EFNA5: variants seen among roughly 807,000 people sequenced by gnomAD.
EFNA5 encodes ephrin-A5.
In EFNA5, 5 loss-of-function variants were observed where a neutral mutation model predicts 22.9. That is an observed-to-expected ratio of 0.22 (90% CI 0.11 to 0.46). The LOEUF (loss-of-function observed/expected upper bound fraction) is 0.46. Among genes scored for constraint, EFNA5 ranks in the 20% least tolerant of loss-of-function variants. The pLI, the probability that EFNA5 is intolerant of heterozygous loss-of-function variation, is 0.99. For missense variants in EFNA5, 237 were observed against 293.3 expected, an observed-to-expected ratio of 0.81 and a Z score of 1.40; for synonymous variants, 113 against 112.2, an observed-to-expected ratio of 1.01 and a Z score of -0.04.
At chr5:107,485,765 C>T (rs1181517214) in intron 1 of EFNA5, among the ~76,000 whole-genome samples, 1 of 152,138 alleles carries the variant, frequency 6.6e-6, no homozygotes, top group Admixed American at 6.6e-5. Flanking sequence ...ATGAAATGTT[C>T]GGTCTAGGTA....
At chr5:107,643,244 T>C (rs1168632220) in intron 1 of EFNA5, among the ~76,000 whole-genome samples, 1 of 152,142 alleles carries the variant, frequency 6.6e-6, no homozygotes, top group African/African-American at 2.4e-5. Flanking sequence ...GGGGGTCCCA[T>C]CATAGGGGTT....
intron 1 of EFNA5, among the ~76,000 whole-genome samples, chr5:107,608,331 G>A (rs1338813637): frequency 6.6e-6 from 1 of 152,122 alleles, no homozygotes; most frequent in African/African-American, 2.4e-5. Flanking sequence ...ACTTGATGTA[G>A]CCATCGATGC....
chr5:107,482,463 G>A (rs1439836122), intron 1 of EFNA5, among the ~76,000 whole-genome samples: 1 of 152,120 alleles, frequency 6.6e-6, no homozygotes, highest in East Asian at 1.9e-4. Flanking sequence ...TGAGAAGTCT[G>A]TCAGACACAT....
chr5:107,448,885 A>T (rs1310070796), intron 1 of EFNA5, among the ~76,000 whole-genome samples: 11 of 99,758 alleles, frequency 1.1e-4, no homozygotes, highest in Non-Finnish European at 1.6e-4. Context: ...TAAAATAAAA[A>T]CAAAAATAAT....
intron 1 of EFNA5, among the ~76,000 whole-genome samples, chr5:107,627,270 T>C (rs1055719482): frequency 1.3e-5 from 2 of 152,188 alleles, no homozygotes; most frequent in African/African-American, 2.4e-5. Flanking sequence ...TTTCTTCACA[T>C]AGATATAATA....
chr5:107,445,530 AC>A (rs768664095), intron 1 of EFNA5, among the ~76,000 whole-genome samples: 2 of 152,152 alleles, frequency 1.3e-5, no homozygotes, highest in Non-Finnish European at 2.9e-5. Context: ...GGCCTCAGAG[AC>A]TTGACAATGG....
intron 2 of EFNA5, among the ~76,000 whole-genome samples, chr5:107,402,484 CT>C (rs1385290640): frequency 6.6e-6 from 1 of 152,170 alleles, no homozygotes; most frequent in Non-Finnish European, 1.5e-5. Flanking sequence ...TGCCAATTTG[CT>C]TTTACAGTCT....
At chr5:107,601,363 G>A (rs1247170581) in intron 1 of EFNA5, among the ~76,000 whole-genome samples, 1 of 152,176 alleles carries the variant, frequency 6.6e-6, no homozygotes, top group African/African-American at 2.4e-5. Context: ...AGAGCGTTAG[G>A]GAAGCACAGA....
chr5:107,487,701 G>C (rs1247112189), intron 1 of EFNA5, among the ~76,000 whole-genome samples: 1 of 152,172 alleles, frequency 6.6e-6, no homozygotes, highest in African/African-American at 2.4e-5. Context: ...CAGCCCTGTA[G>C]CACCTTGTGC....
intron 1 of EFNA5, among the ~76,000 whole-genome samples, chr5:107,543,770 G>A (rs1422393758): frequency 3.3e-5 from 5 of 152,182 alleles, no homozygotes; most frequent in African/African-American, 1.2e-4. Flanking sequence ...AAGCCAAAAT[G>A]TAGGCTACAA....
At chr5:107,393,837 G>A (rs1747849455) in intron 2 of EFNA5, among the ~76,000 whole-genome samples, 1 of 152,142 alleles carries the variant, frequency 6.6e-6, no homozygotes, top group Non-Finnish European at 1.5e-5. Context: ...TGGTACTACT[G>A]GAAATATCTC....
intron 1 of EFNA5, among the ~76,000 whole-genome samples, chr5:107,494,437 T>C (rs112265049): frequency 0.11 from 16,851 of 152,186 alleles, 1,018 homozygotes; most frequent in Middle Eastern, 0.19. Context: ...GCCAGCCCAC[T>C]GGCGCTGAGC....
chr5:107,519,657 C>A (rs1438493244), intron 1 of EFNA5, among the ~76,000 whole-genome samples: 3 of 152,146 alleles, frequency 2.0e-5, no homozygotes, highest in African/African-American at 7.2e-5. Context: ...GCGAAGCGAT[C>A]CCCTTGGAAA....
At chr5:107,636,209 TCTC>T (rs1433764776) in intron 1 of EFNA5, among the ~76,000 whole-genome samples, 2 of 152,046 alleles carry the variant, frequency 1.3e-5, no homozygotes, top group African/African-American at 4.8e-5. Context: ...CTCCTAAGAC[TCTC>T]CTCAAGAGGT....
intron 1 of EFNA5, among the ~76,000 whole-genome samples, chr5:107,652,761 A>T (rs1750757362): frequency 6.6e-6 from 1 of 152,158 alleles, no homozygotes; most frequent in Admixed American, 6.6e-5. Flanking sequence ...GGTTTTCACT[A>T]AAACATAAGT....
intron 1 of EFNA5, among the ~76,000 whole-genome samples, chr5:107,491,606 C>T (rs1458098115): frequency 3.3e-5 from 5 of 151,890 alleles, no homozygotes; most frequent in African/African-American, 1.2e-4. Flanking sequence ...CCACCGCACC[C>T]AGACTGTTCT....
At chr5:107,517,737 A>C (rs1029578187) in intron 1 of EFNA5, among the ~76,000 whole-genome samples, 4 of 152,228 alleles carry the variant, frequency 2.6e-5, no homozygotes, top group Non-Finnish European at 5.9e-5. Context: ...ATGTGTGAGA[A>C]CAAACGAAGC....
At chr5:107,459,112 A>G (rs551077024) in intron 1 of EFNA5, among the ~76,000 whole-genome samples, 2 of 152,260 alleles carry the variant, frequency 1.3e-5, no homozygotes, top group Non-Finnish European at 2.9e-5. Context: ...CAAAATATCA[A>G]TTGGAGGCTA....
chr5:107,470,854 G>C (rs1750118540), intron 1 of EFNA5, among the ~76,000 whole-genome samples: 1 of 144,742 alleles, frequency 6.9e-6, no homozygotes, highest in Non-Finnish European at 1.5e-5. Flanking sequence ...AAAATAGCAA[G>C]ACCTTATCTC....
Sources: allele counts gnomAD v4.1 joint callset (sites outside exome capture counted in the v4.1 genomes callset), GRCh38; gene constraint gnomAD v4.1.1; transcripts MANE v1.5; gene names NCBI Gene and HGNC (gene_info 2026-07-23, HGNC 2026-07-21).